The following HAS3 variants were observed in gnomAD, a reference collection of about 807,000 sequenced individuals.
The protein encoded by HAS3 is HA synthase 3.
A neutral mutation model predicts 50.3 loss-of-function variants in HAS3; 27 were observed. That is an observed-to-expected ratio of 0.54 (90% CI 0.40 to 0.74). The LOEUF (loss-of-function observed/expected upper bound fraction) is 0.74. HAS3 is among the 30% of genes least tolerant of loss of function. The pLI is 0.00. For missense variants in HAS3, 517 were observed against 742.8 expected, an observed-to-expected ratio of 0.70 and a Z score of 3.53; for synonymous variants, 339 against 310.9, an observed-to-expected ratio of 1.09 and a Z score of -0.95.
chr16:69,111,554 C>A (rs1230844623), intron 2 of HAS3, among the ~76,000 whole-genome samples: 1 of 152,206 alleles, frequency 6.6e-6, no homozygotes, highest in Admixed American at 6.5e-5. Flanking sequence ...TCCCCTAATA[C>A]GATTTTTCTC....
upstream of HAS3, among the ~76,000 whole-genome samples, chr16:69,104,628 C>G (rs544867709): frequency 1.3e-3 from 203 of 152,066 alleles, no homozygotes; most frequent in South Asian, 0.016. Context: ...TTTGTAGAGA[C>G]GGGGGAAGTC....
chr16:69,096,307 G>A, the HAS3 span, among the ~76,000 whole-genome samples: 1 of 151,004 alleles, frequency 6.6e-6, no homozygotes, highest in Non-Finnish European at 1.5e-5. Context: ...GAGGCAGGTG[G>A]ATCACTTGAG....
Position 69,114,938 on chromosome 16 carries a change from T to C in HAS3, c.1334T>C (p.Leu445Pro). ...ATCTTCATGTCCCTCTACTCCCTCC[T>C]CTATATGTCCAGCCTTCTGCCGGCC... ...EMIFMSLYSL[L>P]YMSSLLPAKI... Residue 445 changes from leucine to proline, a missense_variant, in exon 4 of 4, where the codon CTC becomes CCC. Coordinates refer to ENST00000569188, the MANE Select transcript of HAS3 (RefSeq NM_001199280.2). This position sits in a 1 kb window ranked among gnomAD's most constrained non-coding sequence, Gnocchi z 6.4. 6.2e-7 allele frequency: 1 copy of C among 1,614,140 alleles called. No homozygotes were observed. The highest frequency in any genetic ancestry group is 8.5e-7 in the Non-Finnish European group (1 of 1,180,028).
In HAS3 at chr16:69,114,226, T is replaced by C. The variant is rs1300864308; in HGVS notation, c.739-117T>C. The stretch of plus-strand genomic sequence containing the variant: ...GGTTTCCCAGCTCCAAAGGAACCGA[T>C]GGCCAGGAATCTAAGCAGCGGGCCA... On this transcript the variant is annotated intron_variant, in intron 3 of 3. Coordinates refer to ENST00000569188, the MANE Select transcript of HAS3 (RefSeq NM_001199280.2). This position sits in a 1 kb window ranked among gnomAD's most constrained non-coding sequence, Gnocchi z 6.4. The C allele has an allele frequency of 2.0e-6, 3 of 1,465,074 alleles. No homozygotes were observed. Among genetic ancestry groups the C allele is most frequent in the East Asian group, 2.3e-5 (1 of 43,750 alleles). The allele number at this position is 1,465,074 out of a possible 1,614,324, so 90.8% of individuals were successfully genotyped here.
At chr16:69,091,202 A>C in the HAS3 span, among the ~76,000 whole-genome samples, 5 of 152,202 alleles carry the variant, frequency 3.3e-5, no homozygotes, top group Non-Finnish European at 7.3e-5. Flanking sequence ...TACCCCAAAT[A>C]GTGCCCCGCA....
chr16:69,110,179 C>A (rs1359291339), intron 2 of HAS3, 148 bp downstream of exon 2: 4 of 756,756 alleles, frequency 5.3e-6, no homozygotes, highest in African/African-American at 1.8e-5. Context: ...TGGCCGGGCG[C>A]GGTGGCTCAC....
In HAS3 at chr16:69,116,195, CT is replaced by C. The variant is rs1961173291; in HGVS notation, c.*932del. ...AGGCTAAGACACACTCCCCACTTCA[CT>C]TTCTTCAAAGCCACATTTTTTGAGG... On this transcript the variant is annotated 3_prime_UTR_variant, in exon 4 of 4. Coordinates refer to ENST00000569188, the MANE Select transcript of HAS3 (RefSeq NM_001199280.2). 1.0e-6 allele frequency: 1 copy of C among 985,384 alleles called. No homozygotes were observed. The highest frequency in any genetic ancestry group is 1.2e-6 in the Non-Finnish European group (1 of 829,930). 61.0% of individuals were successfully genotyped at this position (985,384 alleles called of 1,614,324 possible).
Position 69,109,536 on chromosome 16 carries a change from G to T in HAS3, c.141G>T (p.Leu47=), listed in dbSNP as rs147999236. Residue 47 remains leucine, a synonymous_variant, in exon 2 of 4, where the codon CTG becomes CTT. Transcript: ENST00000569188. The surrounding 1 kb of genome is among the most constrained non-coding windows in gnomAD (Gnocchi z 5.3). ...AAAAGCACTACCTGTCCTTCGGCCT[G>T]TACGGCGCCATCCTGGGCCTGCACC... The part of the protein sequence containing the change: ...HTEKHYLSFG[L]YGAILGLHLL... 6.2e-7 allele frequency: 1 copy of T among 1,613,844 alleles called. No individual in the cohort carries two copies. Among genetic ancestry groups the T allele is most frequent in the Non-Finnish European group, 8.5e-7 (1 of 1,180,042 alleles).
At chr16:69,110,111 G>C (rs1171455818) in intron 2 of HAS3, 80 bp downstream of exon 2, 3 of 1,396,672 alleles carry the variant, frequency 2.1e-6, no homozygotes, top group Admixed American at 3.9e-5. Flanking sequence ...AGAATCTGAG[G>C]TCTGGTCTAG....
chr16:69,094,826 G>T, the HAS3 span, among the ~76,000 whole-genome samples: 8 of 152,118 alleles, frequency 5.3e-5, no homozygotes, highest in Admixed American at 3.3e-4. Flanking sequence ...TCTAATTCCA[G>T]GTGTATCGGA....
the HAS3 span, among the ~76,000 whole-genome samples, chr16:69,099,161 CG>C: frequency 6.6e-6 from 1 of 151,218 alleles, no homozygotes. Flanking sequence ...TTAGTAGAGA[CG>C]GGGTTTCACC....
rs1458105340 is a variant in HAS3, at chr16:69,114,960, G to A, written c.1356G>A (p.Pro452=). The part of the protein sequence containing the change: ...YSLLYMSSLL[P]AKIFAIATIN... ...TCCTCTATATGTCCAGCCTTCTGCC[G>A]GCCAAGATCTTTGCCATTGCTACCA... The change falls in exon 4 of 4, where the codon CCG becomes CCA. Residue 452 remains proline, a synonymous_variant. Coordinates refer to ENST00000569188, the MANE Select transcript of HAS3 (RefSeq NM_001199280.2). The surrounding 1 kb of genome is among the most constrained non-coding windows in gnomAD (Gnocchi z 6.4). 5 of 1,613,898 alleles carry A rather than the reference G, an allele frequency of 3.1e-6. No homozygotes were observed. The highest frequency in any genetic ancestry group is 3.3e-5 in the Admixed American group (2 of 59,986).
At chr16:69,099,367 C>T in the HAS3 span, among the ~76,000 whole-genome samples, 1 of 148,126 alleles carries the variant, frequency 6.8e-6, no homozygotes, top group Non-Finnish European at 1.5e-5. Context: ...CTTGCTCTGT[C>T]GCCAGGTTGG....
At chr16:69,100,253 G>A in the HAS3 span, among the ~76,000 whole-genome samples, 14 of 152,230 alleles carry the variant, frequency 9.2e-5, no homozygotes, top group African/African-American at 3.4e-4. Flanking sequence ...TGTAGTCAAG[G>A]CACACACTTT....
upstream of HAS3, among the ~76,000 whole-genome samples, chr16:69,101,147 C>A (rs1960692893): frequency 6.6e-6 from 1 of 152,170 alleles, no homozygotes; most frequent in Non-Finnish European, 1.5e-5. Flanking sequence ...CGGTAATTCC[C>A]CATAACCTAC....
rs1017391620 is a variant in HAS3, at chr16:69,106,002, A to T, written c.-1+215A>T. Among the ~76,000 whole-genome samples the T allele has an allele frequency of 2.6e-5, 4 of 152,286 alleles. No individual in the cohort carries two copies. Among genetic ancestry groups the T allele is most frequent in the African/African-American group, 9.6e-5 (4 of 41,566 alleles). The stretch of plus-strand genomic sequence containing the variant: ...GGGGACCCAGCTTCGGAGAGGGCGC[A>T]GGGGCTGCGAGTCTTGCGAGCCGGA... On this transcript the variant is annotated intron_variant, in intron 1 of 3. Coordinates refer to ENST00000569188, the MANE Select transcript of HAS3 (RefSeq NM_001199280.2). This position sits in a 1 kb window ranked among gnomAD's most constrained non-coding sequence, Gnocchi z 5.5.
chr16:69,091,003 C>T, the HAS3 span, among the ~76,000 whole-genome samples: 1 of 152,118 alleles, frequency 6.6e-6, no homozygotes. Context: ...GTAGCCAAAC[C>T]AGTATTTGGA....
In HAS3 at chr16:69,107,582, G is replaced by A. The variant is rs1032191844; in HGVS notation, c.-1+1795G>A. The A allele has an allele frequency of 2.0e-6, 2 of 985,218 alleles. No homozygotes were observed. Among genetic ancestry groups the A allele is most frequent in the African/African-American group, 1.7e-5 (1 of 57,240 alleles). 61.0% of individuals were successfully genotyped at this position (985,218 alleles called of 1,614,324 possible). A position where few individuals can be genotyped will look rare whatever the true frequency, so the allele number is the denominator to read the frequency against. ...CTTTGACCTGGTGGGCGCCGCCTCCGGCACTGCACCGAGGCGGGGCGCCAG... is the reference window on the plus strand; with the variant it reads ...CTTTGACCTGGTGGGCGCCGCCTCCAGCACTGCACCGAGGCGGGGCGCCAG... On this transcript the variant is annotated intron_variant, in intron 1 of 3. Transcript: ENST00000569188. The surrounding 1 kb of genome is among the most constrained non-coding windows in gnomAD (Gnocchi z 5.5).
chr16:69,091,074 G>C, the HAS3 span, among the ~76,000 whole-genome samples: 1 of 152,252 alleles, frequency 6.6e-6, no homozygotes. Context: ...CTGCCCAAGA[G>C]ATACCGTATT....
Sources: gnomAD v4.1 joint callset for allele counts (sites outside exome capture counted in the v4.1 genomes callset) on GRCh38, gnomAD v4.1.1 for gene constraint, Gnocchi (gnomAD v3.1) non-coding constraint, MANE v1.5 for transcripts, NCBI Gene and HGNC (gene_info 2026-07-23, HGNC 2026-07-21) for gene names.